The following CRYBG3 variants were observed in gnomAD, a reference collection of about 807,000 sequenced individuals.
The protein encoded by CRYBG3 is crystallin beta-gamma domain containing 3.
In CRYBG3, 127 loss-of-function variants were observed where a neutral mutation model predicts 244.2. The ratio of observed to expected loss-of-function variants is 0.52; its 90% CI spans 0.45 to 0.60. The LOEUF is 0.60. Ranked by LOEUF, CRYBG3 falls within the 20% of genes least tolerant of loss-of-function variation. The probability of loss-of-function intolerance (pLI) is 0.00; values close to 1 mark genes in which losing one functional copy is unlikely to be tolerated. For synonymous variants in CRYBG3, 1,132 were observed against 1,195.8 expected, an observed-to-expected ratio of 0.95 and a Z score of 1.10; for missense variants, 3,325 against 3,442.5, an observed-to-expected ratio of 0.97 and a Z score of 0.85.
intron 15 of CRYBG3, among the ~76,000 whole-genome samples, chr3:97,904,959 G>A (rs1431525751): frequency 7.0e-6 from 1 of 142,464 alleles, no homozygotes; most frequent in Non-Finnish European, 1.5e-5. Flanking sequence ...TCATTGTTCA[G>A]TTCCCACCTA....
intron 17 of CRYBG3, among the ~76,000 whole-genome samples, chr3:97,919,310 A>G (rs1029080995): frequency 5.9e-5 from 9 of 152,120 alleles, no homozygotes; most frequent in Admixed American, 2.6e-4. Flanking sequence ...GTAATTTAAT[A>G]TAGGGAAATT....
chr3:97,942,144 T>C, intron 20 of CRYBG3, 140 bp from the exon 21 acceptor site: 1 of 586,556 alleles, frequency 1.7e-6, no homozygotes, highest in Non-Finnish European at 2.6e-6. Flanking sequence ...CTTACTGAAA[T>C]TATACTATAT....
chr3:97,911,716 G>A (rs1338373690), intron 15 of CRYBG3, among the ~76,000 whole-genome samples: 4 of 152,234 alleles, frequency 2.6e-5, no homozygotes, highest in Non-Finnish European at 4.4e-5. Context: ...ATCAGGAAGA[G>A]CTAGGGAGAG....
intron 19 of CRYBG3, among the ~76,000 whole-genome samples, chr3:97,940,892 A>T (rs1435396860): frequency 1.3e-5 from 2 of 151,978 alleles, no homozygotes; most frequent in Non-Finnish European, 2.9e-5. Context: ...AATTCTAGTG[A>T]AAGAAACTTT....
chr3:97,864,961 G>C (rs1391701559), intron 3 of CRYBG3, among the ~76,000 whole-genome samples: 2 of 151,988 alleles, frequency 1.3e-5, no homozygotes, highest in East Asian at 3.9e-4. Context: ...TGCATTTTCG[G>C]GGAAAATGGT....
At chr3:97,901,603 A>G (rs1047370662) in intron 15 of CRYBG3, among the ~76,000 whole-genome samples, 4 of 152,202 alleles carry the variant, frequency 2.6e-5, no homozygotes, top group Admixed American at 6.6e-5. Flanking sequence ...AAAACTCCCA[A>G]CTGTGGATTT....
intron 17 of CRYBG3, among the ~76,000 whole-genome samples, chr3:97,917,007 C>A: frequency 6.6e-6 from 1 of 152,102 alleles, no homozygotes. Flanking sequence ...GTGGCCAAAT[C>A]AGCAGAAAGA....
At chr3:97,938,639 C>T (rs1382668479) in intron 19 of CRYBG3, among the ~76,000 whole-genome samples, 1 of 151,920 alleles carries the variant, frequency 6.6e-6, no homozygotes, top group Non-Finnish European at 1.5e-5. Context: ...CTTGGTGAGT[C>T]ACTTCATTTC....
At chr3:97,886,229 T>G (rs957913174) in intron 7 of CRYBG3, among the ~76,000 whole-genome samples, 4 of 152,056 alleles carry the variant, frequency 2.6e-5, no homozygotes, top group African/African-American at 9.7e-5. Flanking sequence ...CCCGATGAGA[T>G]CAGCTTTTAT....
chr3:97,880,271 T>C (rs1413334151), intron 6 of CRYBG3, among the ~76,000 whole-genome samples, 171 bp downstream of exon 6: 1 of 152,244 alleles, frequency 6.6e-6, no homozygotes, highest in Non-Finnish European at 1.5e-5. Context: ...TTGTTCTTTT[T>C]ATTTACTATG....
chr3:97,858,960 T>A (rs970207212), intron 2 of CRYBG3, among the ~76,000 whole-genome samples: 1 of 145,184 alleles, frequency 6.9e-6, no homozygotes, highest in African/African-American at 2.4e-5. Context: ...GAGTAGCTTT[T>A]GTAGGGAAAG....
At chr3:97,856,178 G>T (rs1004998833) in intron 2 of CRYBG3, among the ~76,000 whole-genome samples, 6 of 152,102 alleles carry the variant, frequency 3.9e-5, no homozygotes, top group African/African-American at 1.2e-4. Flanking sequence ...AAAGAATTCA[G>T]CGATATTTCT....
At chr3:97,865,724 A>T (rs2039221734) in intron 3 of CRYBG3, among the ~76,000 whole-genome samples, 2 of 152,200 alleles carry the variant, frequency 1.3e-5, no homozygotes, top group East Asian at 3.8e-4. Context: ...ATATGATGGC[A>T]TTATGTGTTC....
At position 97,855,980 on chromosome 3, in the gene CRYBG3, G is replaced by A. The variant is rs181435045; in HGVS notation, c.217-8237G>A. 2.0e-5 allele frequency among the ~76,000 whole-genome samples: 3 copies of A among 152,168 alleles called. No homozygotes were observed. The East Asian group carries it at 5.8e-4, about 29-fold the overall frequency. ...AGGAGACAGGGTTTTGAGAGCAACC[G>A]GTCTGACCAAAAATTTATTAGGCGG... On this transcript the variant is annotated intron_variant, in intron 2 of 21. Coordinates refer to ENST00000389622, the MANE Select transcript of CRYBG3 (RefSeq NM_153605.4).
At chr3:97,942,067 T>A in intron 20 of CRYBG3, 1 of 349,936 alleles carries the variant, frequency 2.9e-6, no homozygotes, top group Middle Eastern at 7.4e-4. Flanking sequence ...AACAAGTACC[T>A]CTATTTCAGT....
chr3:97,927,293 A>C (rs2040050623), intron 17 of CRYBG3, among the ~76,000 whole-genome samples: 1 of 152,086 alleles, frequency 6.6e-6, no homozygotes, highest in South Asian at 2.1e-4. Flanking sequence ...TCTTTGACAA[A>C]GTTGACAAGA....
At chr3:97,853,788 G>A (rs2039023595) in intron 2 of CRYBG3, among the ~76,000 whole-genome samples, 1 of 152,038 alleles carries the variant, frequency 6.6e-6, no homozygotes, top group African/African-American at 2.4e-5. Context: ...CACAATCGTG[G>A]TATCACAATT....
chr3:97,871,775 GTTGCTGGGAT>G (rs2039305350), intron 3 of CRYBG3, 57 bp from the exon 4 acceptor site: 1 of 1,150,696 alleles, frequency 8.7e-7, no homozygotes, highest in Non-Finnish European at 1.2e-6. Context: ...TTTTACCACA[GTTGCTGGGAT>G]TAGTATTAAG....
chr3:97,934,616 G>A (rs2040138792), intron 18 of CRYBG3, among the ~76,000 whole-genome samples: 1 of 152,032 alleles, frequency 6.6e-6, no homozygotes, highest in Admixed American at 6.6e-5. Context: ...AATATCTGGG[G>A]ATAAAGAGAA....
Sources: allele counts gnomAD v4.1 joint callset (sites outside exome capture counted in the v4.1 genomes callset), GRCh38; gene constraint gnomAD v4.1.1; transcripts MANE v1.5; gene names NCBI Gene and HGNC (gene_info 2026-07-23, HGNC 2026-07-21).